Variants in PLEKHH2 observed in about 807,000 individuals in gnomAD.
PLEKHH2 encodes the protein pleckstrin homology domain-containing family H member 2.
Under a neutral mutation model 187.9 loss-of-function variants are expected in PLEKHH2, and 129 were observed. The ratio of observed to expected loss-of-function variants is 0.69; its 90% confidence interval spans 0.59 to 0.79. PLEKHH2 has a LOEUF of 0.79. Among genes scored for constraint, PLEKHH2 ranks in the 30% least tolerant of loss-of-function variants. The probability of loss-of-function intolerance (pLI) is 0.00; values close to 1 mark genes in which losing one functional copy is unlikely to be tolerated. For synonymous variants in PLEKHH2, 686 were observed against 605.6 expected (o/e 1.13, Z -1.95); for missense variants, 2,076 against 1,751.2 (o/e 1.19, Z -3.31).
intron 23 of PLEKHH2, 62 bp from the exon 24 acceptor site, chr2:43,745,804 T>TG: frequency 7.8e-7 from 1 of 1,288,118 alleles, no homozygotes; most frequent in Non-Finnish European, 1.1e-6. Flanking sequence ...GCAGCACACT[T>TG]GTCTTCAAAA....
At chr2:43,748,794 C>G (rs1363906558) in intron 24 of PLEKHH2, among the ~76,000 whole-genome samples, 1 of 150,878 alleles carries the variant, frequency 6.6e-6, no homozygotes, top group African/African-American at 2.4e-5. Context: ...TTCACCCTTG[C>G]TGCCCAGGCT....
intron 2 of PLEKHH2, among the ~76,000 whole-genome samples, chr2:43,665,582 G>A (rs1388768117): frequency 5.3e-5 from 4 of 75,328 alleles, no homozygotes; most frequent in African/African-American, 2.4e-4. Context: ...TTTCTGTTCT[G>A]TTTTTTCCCC....
intron 28 of PLEKHH2, among the ~76,000 whole-genome samples, chr2:43,763,161 T>TG (rs1672494232): frequency 6.6e-6 from 1 of 152,134 alleles, no homozygotes; most frequent in Admixed American, 6.6e-5. Flanking sequence ...ATGGATAACT[T>TG]GAAGATATTA....
chr2:43,736,931 T>G (rs1263511637), intron 19 of PLEKHH2, among the ~76,000 whole-genome samples: 2 of 152,070 alleles, frequency 1.3e-5, no homozygotes, highest in Non-Finnish European at 2.9e-5. Context: ...TAAGCATGTG[T>G]GTATGTGCGG....
At position 43,707,546 on chromosome 2, in the gene PLEKHH2, G is replaced by T. The variant is rs775659580; in HGVS notation, c.1966+1G>T. On this transcript the variant is annotated splice_donor_variant, in intron 11 of 29. Coordinates refer to ENST00000282406, the MANE Select transcript of PLEKHH2 (RefSeq NM_172069.4). LOFTEE classifies it high-confidence loss of function. ...GGCAGCCCCAGAGCCATGAAACGAG[G>T]TGAGGGAAAATCGCAGGCATATGAG... 2.5e-6 allele frequency: 4 copies of T among 1,613,642 alleles called. No homozygotes were observed. The highest frequency in any genetic ancestry group is 3.4e-6 in the Non-Finnish European group (4 of 1,179,802).
At chr2:43,729,273 A>C (rs1670923785) in intron 17 of PLEKHH2, among the ~76,000 whole-genome samples, 2 of 152,206 alleles carry the variant, frequency 1.3e-5, no homozygotes, top group African/African-American at 4.8e-5. Context: ...TGGATTTCCA[A>C]AATATTCTGT....
intron 2 of PLEKHH2, among the ~76,000 whole-genome samples, chr2:43,673,827 C>T (rs564370817): frequency 2.6e-5 from 4 of 152,252 alleles, no homozygotes; most frequent in Admixed American, 1.3e-4. Context: ...CCTTTAAGTT[C>T]AGTATTCTTT....
At chr2:43,642,155 A>G (rs895963976) in intron 1 of PLEKHH2, among the ~76,000 whole-genome samples, 10 of 152,024 alleles carry the variant, frequency 6.6e-5, no homozygotes, top group Non-Finnish European at 1.3e-4. Context: ...TCTTTCAGTG[A>G]TGTTTTGTAG....
rs544150281 is a variant in PLEKHH2, at chr2:43,670,149, A to T, written c.124-8714A>T. ...TTTTAGGTATTTAGGCAAAAACAAAAACATGACCTTTATATCATTAGGAGA... is the reference window on the plus strand; with the variant it reads ...TTTTAGGTATTTAGGCAAAAACAAATACATGACCTTTATATCATTAGGAGA... On this transcript the variant is annotated intron_variant, in intron 2 of 29. Coordinates refer to ENST00000282406, the MANE Select transcript of PLEKHH2 (RefSeq NM_172069.4). Among the ~76,000 whole-genome samples the T allele has an allele frequency of 1.2e-3, 189 of 152,332 alleles. 8 individuals carry two copies. The South Asian group carries it at 0.038, about 31-fold the overall frequency.
At chr2:43,725,871 G>A (rs978928063) in intron 16 of PLEKHH2, among the ~76,000 whole-genome samples, 11 of 152,114 alleles carry the variant, frequency 7.2e-5, no homozygotes, top group Admixed American at 2.0e-4. Context: ...AGCACTTTGG[G>A]AGGCTGAGGC....
intron 8 of PLEKHH2, among the ~76,000 whole-genome samples, chr2:43,702,527 C>T (rs1319918673): frequency 3.1e-4 from 18 of 57,386 alleles, no homozygotes; most frequent in South Asian, 2.0e-3. Flanking sequence ...CATTCTACTA[C>T]TTTTTTTTTT....
chr2:43,687,134 A>T (rs1370044035), intron 3 of PLEKHH2, among the ~76,000 whole-genome samples: 1 of 152,080 alleles, frequency 6.6e-6, no homozygotes, highest in Non-Finnish European at 1.5e-5. Flanking sequence ...TTTTCAGCCC[A>T]TGTCTCCGTC....
chr2:43,689,206 T>G (rs1222593852), intron 3 of PLEKHH2, among the ~76,000 whole-genome samples: 1 of 152,210 alleles, frequency 6.6e-6, no homozygotes, highest in African/African-American at 2.4e-5. Context: ...GTCTACTGAG[T>G]TAACCCTTTG....
chr2:43,652,678 G>A (rs1666547281), intron 2 of PLEKHH2, among the ~76,000 whole-genome samples: 1 of 152,192 alleles, frequency 6.6e-6, no homozygotes, highest in South Asian at 2.1e-4. Flanking sequence ...CCCCACATAT[G>A]TGCCAAAGTT....
At chr2:43,750,785 C>G (rs1186473546) in intron 24 of PLEKHH2, among the ~76,000 whole-genome samples, 1 of 152,116 alleles carries the variant, frequency 6.6e-6, no homozygotes. Context: ...TTCTCACGTA[C>G]CATTTATTTG....
intron 2 of PLEKHH2, chr2:43,658,826 G>A (rs1260154289): frequency 6.6e-6 from 1 of 152,212 alleles, no homozygotes; most frequent in Non-Finnish European, 1.5e-5. Context: ...TCAGCCCTAT[G>A]TTGTGAAGGA....
chr2:43,742,295 C>A (rs538979443), intron 21 of PLEKHH2, among the ~76,000 whole-genome samples: 313 of 151,882 alleles, frequency 2.1e-3, no homozygotes, highest in Non-Finnish European at 3.1e-3. Context: ...AGCCACCATG[C>A]CTGGCCTGAA....
chr2:43,687,083 A>G (rs1238486551), intron 3 of PLEKHH2, among the ~76,000 whole-genome samples: 3 of 152,118 alleles, frequency 2.0e-5, no homozygotes, highest in Non-Finnish European at 4.4e-5. Flanking sequence ...TGGGATATGG[A>G]TGATTCCATC....
intron 14 of PLEKHH2, chr2:43,711,320 G>A: frequency 2.0e-6 from 2 of 985,368 alleles, no homozygotes; most frequent in Non-Finnish European, 2.4e-6. Flanking sequence ...TTAGAAAGGA[G>A]AATCAAGGAA....
Sources: gnomAD v4.1 joint callset for allele counts (sites outside exome capture counted in the v4.1 genomes callset) on GRCh38, gnomAD v4.1.1 for gene constraint, MANE v1.5 for transcripts, NCBI Gene and HGNC (gene_info 2026-07-23, HGNC 2026-07-21) for gene names.